RORA: variants seen among roughly 807,000 people sequenced by gnomAD.
RORA encodes RAR related orphan receptor A.
In RORA, 7 loss-of-function variants were observed where a neutral mutation model predicts 69.5. The observed-to-expected ratio is 0.10, with a 90% CI of 0.06 to 0.19. The LOEUF (loss-of-function observed/expected upper bound fraction) is 0.19. Among genes scored for constraint, RORA ranks in the 10% least tolerant of loss-of-function variants. The pLI, the probability that RORA is intolerant of heterozygous loss-of-function variation, is 1.00. For synonymous variants in RORA, 261 were observed against 240.8 expected, an observed-to-expected ratio of 1.08 and a Z score of -0.78; for missense variants, 457 against 663.0, an observed-to-expected ratio of 0.69 and a Z score of 3.41.
At chr15:61,188,576 T>C (rs1191388765) in intron 1 of RORA, among the ~76,000 whole-genome samples, 6 of 152,168 alleles carry the variant, frequency 3.9e-5, no homozygotes, top group Admixed American at 3.9e-4. Context: ...GGGCCACCTG[T>C]TTTAAGAGCA....
At chr15:61,004,049 A>G (rs1894830935) in intron 1 of RORA, among the ~76,000 whole-genome samples, 1 of 152,178 alleles carries the variant, frequency 6.6e-6, no homozygotes, top group South Asian at 2.1e-4. Context: ...TGGAGGGACT[A>G]AAGACACGCC....
At chr15:61,158,726 G>A (rs571255175) in intron 1 of RORA, among the ~76,000 whole-genome samples, 2 of 152,176 alleles carry the variant, frequency 1.3e-5, no homozygotes, top group Admixed American at 6.5e-5. Flanking sequence ...ATTGTTGCGG[G>A]AGCTGTCGTG....
intron 1 of RORA, among the ~76,000 whole-genome samples, chr15:61,058,919 A>C (rs2078132980): frequency 6.6e-6 from 1 of 152,358 alleles, no homozygotes; most frequent in Middle Eastern, 3.4e-3. Flanking sequence ...TTTTGGAGGA[A>C]GATGAGGTAG....
chr15:60,765,043 G>A (rs920484160), intron 1 of RORA: 2 of 151,922 alleles, frequency 1.3e-5, no homozygotes, highest in Non-Finnish European at 2.9e-5. Context: ...CGGGAAGTTG[G>A]TGCCCAGTTT....
At chr15:61,022,209 T>C (rs1895562748) in intron 1 of RORA, among the ~76,000 whole-genome samples, 1 of 152,184 alleles carries the variant, frequency 6.6e-6, no homozygotes, top group African/African-American at 2.4e-5. Flanking sequence ...AAAATCATGA[T>C]AACAAAATAA....
intron 2 of RORA, among the ~76,000 whole-genome samples, chr15:60,561,133 G>C (rs1258180899): frequency 6.7e-6 from 1 of 149,322 alleles, no homozygotes; most frequent in African/African-American, 2.5e-5. Context: ...CCAGGCTGGA[G>C]TGCAGTGGCG....
chr15:60,674,729 T>C (rs958527385), intron 2 of RORA, among the ~76,000 whole-genome samples: 1 of 152,218 alleles, frequency 6.6e-6, no homozygotes, highest in Non-Finnish European at 1.5e-5. Context: ...TTTCCGAAGA[T>C]TCAGAGGCGT....
chr15:61,085,883 G>A (rs572982861), intron 1 of RORA, among the ~76,000 whole-genome samples: 1 of 152,306 alleles, frequency 6.6e-6, no homozygotes, highest in Admixed American at 6.5e-5. Context: ...CCCCTGGGAG[G>A]CCACTTGCAG....
At chr15:60,730,137 G>A (rs77662408) in intron 1 of RORA, among the ~76,000 whole-genome samples, 3,210 of 152,306 alleles carry the variant, frequency 0.021, 128 homozygotes, top group African/African-American at 0.074. Flanking sequence ...AGTTCTAAAT[G>A]AGGCTGCAAG....
intron 1 of RORA, among the ~76,000 whole-genome samples, chr15:61,030,213 G>C (rs1896081725): frequency 6.6e-6 from 1 of 152,144 alleles, no homozygotes; most frequent in African/African-American, 2.4e-5. Context: ...TTCTGAACTA[G>C]TACCTTTGGC....
chr15:60,937,850 G>A (rs1022403078), intron 1 of RORA, among the ~76,000 whole-genome samples: 5 of 152,216 alleles, frequency 3.3e-5, no homozygotes, highest in Non-Finnish European at 7.3e-5. Flanking sequence ...GAGGCTCGCA[G>A]TTAGGACCAA....
chr15:60,928,419 G>A (rs1186404346), intron 1 of RORA, among the ~76,000 whole-genome samples: 1 of 152,200 alleles, frequency 6.6e-6, no homozygotes, highest in African/African-American at 2.4e-5. Flanking sequence ...TAGGCGGGAA[G>A]CTCGTGGAAG....
chr15:60,912,191 G>A (rs12905785), intron 1 of RORA, among the ~76,000 whole-genome samples: 46,500 of 151,758 alleles, frequency 0.31, 8,011 homozygotes, highest in East Asian at 0.59. Flanking sequence ...TGGGAGGATT[G>A]CTTGAGGCCA....
At chr15:60,605,390 C>T (rs1352266320) in intron 2 of RORA, among the ~76,000 whole-genome samples, 2 of 152,078 alleles carry the variant, frequency 1.3e-5, no homozygotes, top group Non-Finnish European at 1.5e-5. Flanking sequence ...TTACCAAAAC[C>T]TATTGTATCC....
At chr15:61,224,217 T>C (rs138762174) in intron 1 of RORA, among the ~76,000 whole-genome samples, 307 of 152,356 alleles carry the variant, frequency 2.0e-3, no homozygotes, top group African/African-American at 6.7e-3. Flanking sequence ...GGGACAGGAA[T>C]CTGTGAGCGA....
intron 1 of RORA, among the ~76,000 whole-genome samples, chr15:60,714,572 C>G (rs1288198144): frequency 6.6e-6 from 1 of 151,720 alleles, no homozygotes; most frequent in Non-Finnish European, 1.5e-5. Context: ...ACCATATTGG[C>G]CAGGCTGGTC....
chr15:60,776,339 A>G (rs1286394403), intron 1 of RORA, among the ~76,000 whole-genome samples: 1 of 152,192 alleles, frequency 6.6e-6, no homozygotes, highest in Non-Finnish European at 1.5e-5. Context: ...TCAGATGGCT[A>G]GGTAATCTGG....
At chr15:60,688,800 C>A (rs547600746) in intron 1 of RORA, among the ~76,000 whole-genome samples, 1 of 152,304 alleles carries the variant, frequency 6.6e-6, no homozygotes, top group East Asian at 1.9e-4. Flanking sequence ...CTTGGGACAA[C>A]TTTTGACTCC....
At chr15:60,639,431 T>C (rs1399128296) in intron 2 of RORA, among the ~76,000 whole-genome samples, 1 of 129,200 alleles carries the variant, frequency 7.7e-6, no homozygotes, top group Admixed American at 7.5e-5. Flanking sequence ...GAGCAAGGTG[T>C]GGGAGGAGCG....
Sources: allele counts gnomAD v4.1 joint callset (sites outside exome capture counted in the v4.1 genomes callset), GRCh38; gene constraint gnomAD v4.1.1; transcripts MANE v1.5; gene names NCBI Gene and HGNC (gene_info 2026-07-23, HGNC 2026-07-21).